The following GPM6A variants were observed in gnomAD, a reference collection of about 807,000 sequenced individuals.
GPM6A encodes glycoprotein M6A.
Under a neutral mutation model 32.1 loss-of-function variants are expected in GPM6A, and 7 were observed. The observed-to-expected ratio is 0.22, with a 90% CI of 0.12 to 0.41. The LOEUF (loss-of-function observed/expected upper bound fraction) is 0.41, where lower values mean the gene tolerates loss of function less well. Ranked by LOEUF, GPM6A falls within the 10% of genes least tolerant of loss-of-function variation. GPM6A has a pLI of 1.00. For synonymous variants in GPM6A, 130 were observed against 123.4 expected (o/e 1.05, Z -0.35); for missense variants, 235 against 347.2 (o/e 0.68, Z 2.57).
At chr4:175,937,429 T>C (rs1739275565) in intron 1 of GPM6A, among the ~76,000 whole-genome samples, 1 of 152,156 alleles carries the variant, frequency 6.6e-6, no homozygotes, top group East Asian at 1.9e-4. Context: ...ACTGAAAATA[T>C]AAATCTAAAA....
intron 1 of GPM6A, among the ~76,000 whole-genome samples, chr4:175,744,747 G>A (rs1268292296): frequency 2.6e-5 from 4 of 152,058 alleles, no homozygotes; most frequent in Non-Finnish European, 5.9e-5. Flanking sequence ...AACCTTCAAC[G>A]TTAGCTGTCC....
chr4:175,655,503 G>T (rs1742027748), intron 3 of GPM6A, among the ~76,000 whole-genome samples: 1 of 151,776 alleles, frequency 6.6e-6, no homozygotes, highest in Non-Finnish European at 1.5e-5. Flanking sequence ...GCATATCATG[G>T]ATATATATAT....
At chr4:175,785,176 G>A (rs1733752298) in intron 1 of GPM6A, among the ~76,000 whole-genome samples, 1 of 152,130 alleles carries the variant, frequency 6.6e-6, no homozygotes, top group Admixed American at 6.6e-5. Context: ...GATGTCCCCT[G>A]ACCAAGTCCA....
chr4:175,686,836 T>C (rs552082267), intron 2 of GPM6A, among the ~76,000 whole-genome samples: 1 of 152,372 alleles, frequency 6.6e-6, no homozygotes, highest in South Asian at 2.1e-4. Context: ...TCTGACATTG[T>C]CTAATGCACT....
chr4:175,895,701 T>C (rs983251696), intron 1 of GPM6A, among the ~76,000 whole-genome samples: 5 of 152,230 alleles, frequency 3.3e-5, no homozygotes, highest in Non-Finnish European at 7.3e-5. Flanking sequence ...TCACAAGTAC[T>C]TAATAACATA....
chr4:175,667,008 G>A (rs963741338), intron 3 of GPM6A, among the ~76,000 whole-genome samples: 1 of 152,216 alleles, frequency 6.6e-6, no homozygotes, highest in African/African-American at 2.4e-5. Flanking sequence ...TTTTTAGAGG[G>A]CATCACATTC....
At chr4:175,715,434 T>C (rs1233979272) in intron 1 of GPM6A, among the ~76,000 whole-genome samples, 1 of 152,176 alleles carries the variant, frequency 6.6e-6, no homozygotes, top group Non-Finnish European at 1.5e-5. Context: ...GGATGGTTTC[T>C]TCCTTGCACG....
chr4:175,949,736 T>C (rs1561007901), intron 1 of GPM6A, among the ~76,000 whole-genome samples: 1 of 152,190 alleles, frequency 6.6e-6, no homozygotes, highest in Non-Finnish European at 1.5e-5. Context: ...TTTAAACTCA[T>C]GAAAAAGATA....
At chr4:175,884,987 T>C (rs1455196319) in intron 1 of GPM6A, among the ~76,000 whole-genome samples, 2 of 152,210 alleles carry the variant, frequency 1.3e-5, no homozygotes, top group Non-Finnish European at 2.9e-5. Flanking sequence ...GGTGAGAATA[T>C]AGAGCAACTG....
intron 1 of GPM6A, among the ~76,000 whole-genome samples, chr4:175,883,853 C>G (rs890353828): frequency 2.6e-5 from 4 of 152,080 alleles, no homozygotes; most frequent in African/African-American, 4.8e-5. Context: ...TCTAAATTTA[C>G]CAATTCAGAA....
intron 1 of GPM6A, among the ~76,000 whole-genome samples, chr4:175,822,531 A>G (rs2111351712): frequency 6.6e-6 from 1 of 152,202 alleles, no homozygotes; most frequent in East Asian, 1.9e-4. Context: ...ATCCTTTTGT[A>G]TTTTAAAATG....
At chr4:175,885,872 T>C (rs72704506) in intron 1 of GPM6A, among the ~76,000 whole-genome samples, 27,826 of 152,174 alleles carry the variant, frequency 0.18, 3,278 homozygotes, top group Non-Finnish European at 0.26. Flanking sequence ...TGAGTTTTAC[T>C]GTTTTTTAAC....
At chr4:175,721,167 T>A (rs1294466394) in intron 1 of GPM6A, among the ~76,000 whole-genome samples, 35 of 81,288 alleles carry the variant, frequency 4.3e-4, no homozygotes, top group South Asian at 1.8e-3. Flanking sequence ...ATATATATAT[T>A]TTCTATTTTT....
At chr4:175,724,579 G>C (rs1464177483) in intron 1 of GPM6A, among the ~76,000 whole-genome samples, 1 of 152,088 alleles carries the variant, frequency 6.6e-6, no homozygotes, top group Non-Finnish European at 1.5e-5. Flanking sequence ...TAGAATCAGA[G>C]AGTAGAATGG....
At chr4:175,825,339 A>T (rs1256631714) in intron 1 of GPM6A, among the ~76,000 whole-genome samples, 1 of 152,164 alleles carries the variant, frequency 6.6e-6, no homozygotes, top group Non-Finnish European at 1.5e-5. Context: ...TGCCCAAAGA[A>T]ATCCAGCCCA....
At chr4:175,958,371 G>C (rs761089739) in intron 1 of GPM6A, among the ~76,000 whole-genome samples, 3 of 152,176 alleles carry the variant, frequency 2.0e-5, no homozygotes, top group South Asian at 2.1e-4. Flanking sequence ...TGATTCAGAG[G>C]CATGTTTACT....
intron 1 of GPM6A, among the ~76,000 whole-genome samples, chr4:175,846,177 A>C (rs1736081077): frequency 6.6e-6 from 1 of 152,122 alleles, no homozygotes; most frequent in South Asian, 2.1e-4. Context: ...AAGAGAAAGA[A>C]ACTATTATTT....
At chr4:175,931,154 T>TG (rs1334990288) in intron 1 of GPM6A, among the ~76,000 whole-genome samples, 1 of 152,162 alleles carries the variant, frequency 6.6e-6, no homozygotes, top group African/African-American at 2.4e-5. Context: ...TTCTAAGAAC[T>TG]TATTTCTCAT....
chr4:175,812,401 C>T, upstream of GPM6A: 1 of 1,309,100 alleles, frequency 7.6e-7, no homozygotes, highest in Non-Finnish European at 9.6e-7. Flanking sequence ...CAGGCTCCCT[C>T]GTTCCTCTTG....
Sources: gnomAD v4.1 joint callset for allele counts (sites outside exome capture counted in the v4.1 genomes callset) on GRCh38, gnomAD v4.1.1 for gene constraint, MANE v1.5 for transcripts, NCBI Gene and HGNC (gene_info 2026-07-23, HGNC 2026-07-21) for gene names.